The following NEBL variants were observed in gnomAD, a reference collection of about 807,000 sequenced individuals.
NEBL encodes nebulette.
Under a neutral mutation model 140.2 loss-of-function variants are expected in NEBL, and 122 were observed. That is an observed-to-expected ratio of 0.87 (90% CI 0.75 to 1.01). NEBL has a LOEUF of 1.01. Among genes scored for constraint, NEBL ranks in the 50% least tolerant of loss-of-function variants. NEBL has a pLI of 0.00. For missense variants in NEBL, 1,365 were observed against 1,231.3 expected (o/e 1.11, Z -1.62); for synonymous variants, 436 against 398.9 (o/e 1.09, Z -1.11).
At position 21,014,499 on chromosome 10, in the gene NEBL, T is replaced by C. The variant is rs1004513051; in HGVS notation, c.249+5618A>G. ...TTTGGACAATGCTATCCAAAATAAT[T>C]CTCCAATTATCTTTGGACAGTCAAT... On this transcript the variant is annotated intron_variant, in intron 3 of 6. Transcript: ENST00000417816. Among the ~76,000 whole-genome samples the C allele has an allele frequency of 5.3e-5, 8 of 152,302 alleles. No individual in the cohort carries two copies. In the South Asian group the frequency reaches 1.7e-3, roughly 32 times the overall value.
chr10:21,289,142 C>T (rs182405059), intron 1 of NEBL, among the ~76,000 whole-genome samples: 44 of 151,916 alleles, frequency 2.9e-4, no homozygotes, highest in African/African-American at 9.4e-4. Flanking sequence ...CCACTGAGCC[C>T]GGCCCTTTTT....
intron 2 of NEBL, among the ~76,000 whole-genome samples, chr10:21,033,674 AG>A (rs2131811313): frequency 6.6e-6 from 1 of 150,954 alleles, no homozygotes; most frequent in East Asian, 2.0e-4. Context: ...TGGGAGGCAG[AG>A]GTTGCAGTGA....
At chr10:20,941,561 A>G (rs1834869364) in intron 4 of NEBL, among the ~76,000 whole-genome samples, 1 of 151,334 alleles carries the variant, frequency 6.6e-6, no homozygotes, top group African/African-American at 2.4e-5. Flanking sequence ...CCTATTCAAC[A>G]TAGTGTTGGA....
chr10:21,106,085 T>G (rs1837704400), intron 2 of NEBL, among the ~76,000 whole-genome samples: 1 of 152,110 alleles, frequency 6.6e-6, no homozygotes, highest in South Asian at 2.1e-4. Flanking sequence ...TTCTGGATAT[T>G]AGCCCTTTGT....
At chr10:20,917,119 A>G (rs774376385) in intron 4 of NEBL, among the ~76,000 whole-genome samples, 1 of 152,238 alleles carries the variant, frequency 6.6e-6, no homozygotes, top group Non-Finnish European at 1.5e-5. Flanking sequence ...CTACTTATCC[A>G]TGTGTGCCTA....
At position 20,850,427 on chromosome 10, in the gene NEBL, C is replaced by G; in HGVS notation, c.1084G>C (p.Ala362Pro). 1.2e-6 allele frequency: 2 copies of G among 1,611,478 alleles called. No homozygotes were observed. Among genetic ancestry groups the G allele is most frequent in the Non-Finnish European group, 1.7e-6 (2 of 1,177,626 alleles). The change falls in exon 11 of 28, where the codon GCT (alanine) becomes CCT (proline). Residue 362 changes from alanine to proline, a missense_variant. Transcript: ENST00000377122. ...TGCATCTTTTGAGCCTCCTTTGAAG[C>G]TTGATATGATGGTGTCTCAACAAAT... ...LEFVETPSYQ[A>P]SKEAQKMQSE... is the part of the protein sequence containing the mutation.
At chr10:20,974,923 T>C (rs1440064937) in intron 3 of NEBL, among the ~76,000 whole-genome samples, 1 of 152,208 alleles carries the variant, frequency 6.6e-6, no homozygotes, top group African/African-American at 2.4e-5. Context: ...AGAAAAACTA[T>C]TGCATGAGTT....
chr10:21,066,437 G>A lies in NEBL; in HGVS notation c.165-46236C>T, dbSNP rs889989151. 5.3e-5 allele frequency among the ~76,000 whole-genome samples: 8 copies of A among 151,988 alleles called. No homozygotes were observed. In the East Asian group the frequency reaches 1.2e-3, roughly 22 times the overall value. ...CTAATGATTAAAAAATAAAAGTTAA[G>A]AAGTAAACAAAATGTAGTGAGTACA... On this transcript the variant is annotated intron_variant, in intron 2 of 6. Transcript: ENST00000417816.
chr10:20,817,752 A>G, intron 20 of NEBL, 60 bp from the exon 21 acceptor site: 2 of 1,328,150 alleles, frequency 1.5e-6, no homozygotes, highest in South Asian at 2.3e-5. Context: ...GAAATACCAC[A>G]AAGGACAAGG....
intron 2 of NEBL, among the ~76,000 whole-genome samples, chr10:21,026,106 A>G (rs1839018925): frequency 6.6e-6 from 1 of 152,326 alleles, no homozygotes; most frequent in East Asian, 1.9e-4. Flanking sequence ...ACTACTGTAA[A>G]TGAGAAACAT....
rs1839538287 is a variant in NEBL at position 20,823,366 on chromosome 10, C to A, written c.1870-66G>T. On this transcript the variant is annotated intron_variant, in intron 18 of 27. Coordinates refer to ENST00000377122, the MANE Select transcript of NEBL (RefSeq NM_006393.3). ...GCAAGGCTTTAAAATATTGAGAATTCTTCAATTGTAACTATTGCATAATTG... is the reference window on the plus strand; with the variant it reads ...GCAAGGCTTTAAAATATTGAGAATTATTCAATTGTAACTATTGCATAATTG... The A allele has an allele frequency of 3.4e-6, 4 of 1,190,218 alleles. No homozygotes were observed. The South Asian group carries it at 4.0e-5, about 12-fold the overall frequency. 73.7% of individuals were successfully genotyped at this position (1,190,218 alleles called of 1,614,324 possible).
chr10:20,830,734 C>CAA lies in NEBL; in HGVS notation c.1671+460_1671+461dup, dbSNP rs577547056. Reference sequence around the variant, plus strand: ...ATTTGAGCCAAGTGTCCAATAGGGTCAAAAAAAAAAAAAGAAAGAAAGAAA... The same window carrying CAA: ...ATTTGAGCCAAGTGTCCAATAGGGTCAAAAAAAAAAAAAAAGAAAGAAAGAAA... On this transcript the variant is annotated intron_variant, in intron 16 of 27. Coordinates refer to ENST00000377122, the MANE Select transcript of NEBL (RefSeq NM_006393.3). Among the ~76,000 whole-genome samples the CAA allele has an allele frequency of 3.3e-3, 427 of 129,878 alleles. 1 individual carries two copies. Among genetic ancestry groups the CAA allele is most frequent in the African/African-American group, 9.8e-3 (364 of 37,208 alleles). 85.2% of individuals were successfully genotyped at this position (129,878 alleles called of 152,430 possible).
At chr10:21,122,224 C>T (rs1418797686) in intron 2 of NEBL, among the ~76,000 whole-genome samples, 1 of 152,104 alleles carries the variant, frequency 6.6e-6, no homozygotes, top group Non-Finnish European at 1.5e-5. Context: ...CAGGGTTTCA[C>T]CATGTTGGCC....
At chr10:21,283,937 C>T (rs1383603646) in intron 1 of NEBL, among the ~76,000 whole-genome samples, 1 of 150,952 alleles carries the variant, frequency 6.6e-6, no homozygotes, top group Non-Finnish European at 1.5e-5. Context: ...GTGGCTCAAG[C>T]CTGTAATCCC....
At chr10:21,210,148 T>A (rs569852441) in intron 3 of NEBL, among the ~76,000 whole-genome samples, 1 of 152,246 alleles carries the variant, frequency 6.6e-6, no homozygotes, top group East Asian at 1.9e-4. Context: ...TCCCAGCACT[T>A]TGGGAGGCCA....
chr10:21,263,468 G>A lies in NEBL; in HGVS notation n.183-11640C>T, dbSNP rs61851514. ...TCTGGGTGGCAGTAAGAGTCCAAGC[G>A]GGGGAGGTTGTGAAACTTCTTTGTC... is the stretch of plus-strand genomic sequence containing the variant. On this transcript the variant is annotated intron_variant and non_coding_transcript_variant, in intron 1 of 8. Transcript: ENST00000675702. 2.9e-3 allele frequency among the ~76,000 whole-genome samples: 437 copies of A among 152,204 alleles called. 1 individual carries two copies. The highest frequency in any genetic ancestry group is 5.1e-3 in the Non-Finnish European group (349 of 68,014).
At chr10:21,123,741 C>T (rs1040967925) in intron 2 of NEBL, among the ~76,000 whole-genome samples, 1 of 148,816 alleles carries the variant, frequency 6.7e-6, no homozygotes, top group Non-Finnish European at 1.5e-5. Context: ...ATATATATAT[C>T]ATCTCAAACT....
chr10:21,260,048 C>G (rs931938245), intron 1 of NEBL, among the ~76,000 whole-genome samples: 5 of 152,180 alleles, frequency 3.3e-5, no homozygotes, highest in African/African-American at 1.2e-4. Flanking sequence ...TGGATCCAAC[C>G]AACCCAGTCC....
chr10:20,843,002 A>G (rs1238235559), intron 12 of NEBL, among the ~76,000 whole-genome samples: 1 of 152,028 alleles, frequency 6.6e-6, no homozygotes. Flanking sequence ...CTGGCATCAT[A>G]GTCGTTATGA....
Sources: gnomAD v4.1 joint callset for allele counts (sites outside exome capture counted in the v4.1 genomes callset) on GRCh38, gnomAD v4.1.1 for gene constraint, MANE v1.5 for transcripts, NCBI Gene and HGNC (gene_info 2026-07-23, HGNC 2026-07-21) for gene names.